Variants in TENM3 observed in about 807,000 individuals in gnomAD.
TENM3 encodes the protein teneurin transmembrane protein 3.
A neutral mutation model predicts 255.1 loss-of-function variants in TENM3; 63 were observed. The observed-to-expected ratio is 0.25, with a 90% CI of 0.20 to 0.30. The LOEUF (loss-of-function observed/expected upper bound fraction) is 0.30, where lower values mean the gene tolerates loss of function less well. Ranked by LOEUF, TENM3 falls within the 10% of genes least tolerant of loss-of-function variation. TENM3 has a pLI of 1.00. For missense variants in TENM3, 2,929 were observed against 3,461.1 expected (o/e 0.85, Z 3.86); for synonymous variants, 1,306 against 1,322.3 (o/e 0.99, Z 0.27).
intron 3 of TENM3, among the ~76,000 whole-genome samples, chr4:182,500,746 A>G (rs1470568453): frequency 6.6e-6 from 1 of 152,152 alleles, no homozygotes; most frequent in Non-Finnish European, 1.5e-5. Context: ...TAATTGCCAA[A>G]AAAAGAAAAT....
chr4:181,865,381 T>G, the TENM3 span, among the ~76,000 whole-genome samples: 8 of 152,236 alleles, frequency 5.3e-5, no homozygotes, highest in African/African-American at 1.9e-4. Context: ...TTCTTTTTCT[T>G]GTTGCCGATG....
intron 12 of TENM3, among the ~76,000 whole-genome samples, chr4:182,699,320 T>C (rs1225812037): frequency 6.6e-6 from 1 of 152,340 alleles, no homozygotes; most frequent in East Asian, 1.9e-4. Context: ...TTTGTATTGT[T>C]TTTTGATAAG....
chr4:182,652,742 T>C lies in TENM3; in HGVS notation c.989-1029T>C, dbSNP rs773030198. 4.2e-4 allele frequency among the ~76,000 whole-genome samples: 64 copies of C among 152,150 alleles called. No individual in the cohort carries two copies. The Middle Eastern group carries it at 0.014, about 32-fold the overall frequency. On this transcript the variant is annotated intron_variant, in intron 5 of 27. Transcript: ENST00000511685. ...CCTTCTTATTCTTCCTCCATTGCGC[T>C]GGTAAATTCCAGTACATACAGTAAG...
chr4:182,478,320 G>A (rs1009762147), intron 3 of TENM3, among the ~76,000 whole-genome samples: 1 of 151,728 alleles, frequency 6.6e-6, no homozygotes, highest in Non-Finnish European at 1.5e-5. Context: ...TTTATTTTTT[G>A]AAATATTAGT....
At chr4:181,604,080 C>A in the TENM3 span, among the ~76,000 whole-genome samples, 7 of 152,086 alleles carry the variant, frequency 4.6e-5, no homozygotes, top group South Asian at 6.2e-4. Context: ...CTGGTTAACA[C>A]GGTGAAACCC....
chr4:181,664,739 C>A, the TENM3 span, among the ~76,000 whole-genome samples: 1 of 152,044 alleles, frequency 6.6e-6, no homozygotes, highest in African/African-American at 2.4e-5. Context: ...CTTGGCGGCC[C>A]GTGATGTCCA....
intron 12 of TENM3, among the ~76,000 whole-genome samples, chr4:182,701,209 A>ATTTTTTTTTT (rs1561129558): frequency 8.4e-5 from 2 of 23,864 alleles, no homozygotes; most frequent in Non-Finnish European, 9.0e-5. Context: ...CCAACTCTTG[A>ATTTTTTTTTT]CTTTTTTTTT....
intron 1 of TENM3, among the ~76,000 whole-genome samples, chr4:182,159,586 T>C (rs1432119068): frequency 6.6e-6 from 1 of 152,104 alleles, no homozygotes; most frequent in Non-Finnish European, 1.5e-5. Flanking sequence ...GCTCCTGCGC[T>C]GTATTTGGCC....
intron 1 of TENM3, among the ~76,000 whole-genome samples, chr4:182,305,856 T>TCCTG (rs1438814563): frequency 1.3e-5 from 2 of 152,230 alleles, no homozygotes; most frequent in Non-Finnish European, 1.5e-5. Flanking sequence ...GTCGTTGCTA[T>TCCTG]CCTGGATGTT....
chr4:181,926,907 G>A, the TENM3 span, among the ~76,000 whole-genome samples: 1 of 151,878 alleles, frequency 6.6e-6, no homozygotes, highest in Non-Finnish European at 1.5e-5. Flanking sequence ...GAGGTGCAAG[G>A]GGTCTGGGAA....
At chr4:182,301,430 C>T (rs1057188832) in intron 1 of TENM3, among the ~76,000 whole-genome samples, 12 of 152,130 alleles carry the variant, frequency 7.9e-5, no homozygotes, top group African/African-American at 2.2e-4. Context: ...GCACAAGGTA[C>T]GGTTTTGACA....
intron 3 of TENM3, among the ~76,000 whole-genome samples, chr4:182,596,113 G>T (rs1330848592): frequency 6.6e-6 from 1 of 152,130 alleles, no homozygotes; most frequent in Non-Finnish European, 1.5e-5. Flanking sequence ...TACGTGCTTA[G>T]TGAAAGTACC....
At chr4:182,089,978 C>T in the TENM3 span, among the ~76,000 whole-genome samples, 1 of 152,172 alleles carries the variant, frequency 6.6e-6, no homozygotes, top group African/African-American at 2.4e-5. Flanking sequence ...AATGTTGACT[C>T]AGTCCATCTA....
At chr4:182,459,551 G>A (rs1774166872) in intron 3 of TENM3, among the ~76,000 whole-genome samples, 1 of 152,038 alleles carries the variant, frequency 6.6e-6, no homozygotes, top group South Asian at 2.1e-4. Context: ...ATGAAGGTCT[G>A]TGAATGTATG....
At chr4:181,536,513 A>G in the TENM3 span, among the ~76,000 whole-genome samples, 47 of 152,366 alleles carry the variant, frequency 3.1e-4, 1 homozygote, top group South Asian at 9.3e-3. Context: ...CATATCAAAT[A>G]TAAAAAGGCA....
intron 1 of TENM3, among the ~76,000 whole-genome samples, chr4:182,295,116 C>T (rs1761381262): frequency 6.6e-6 from 1 of 151,934 alleles, no homozygotes; most frequent in Admixed American, 6.6e-5. Context: ...ATTTTACATG[C>T]ATTCATTCCT....
In TENM3 at chr4:182,800,340, G is replaced by C. The variant is rs1429893468; in HGVS notation, c.8089G>C (p.Gly2697Arg). The change falls in exon 28 of 28, where the codon GGC becomes CGC. Residue 2697 changes from glycine (G) to arginine (R), a missense_variant. Gly to Arg is a moderately radical substitution (Grantham distance 125). Around this residue, in one of 6 missense-constraint regions of TENM3, gnomAD observed 476 missense variants for 480.1 expected, o/e 0.99. Coordinates refer to ENST00000511685, the MANE Select transcript of TENM3 (RefSeq NM_001080477.4). ...CCAGTTCCTGCGGCAGAGCGAGATC[G>C]GCAGGAGGTAACGCCCGGGCCGCGC... ...NIQFLRQSEIGRR is the reference protein window; with the variant it reads ...NIQFLRQSEIRRR 1.3e-6 allele frequency: 2 copies of C among 1,579,540 alleles called. No individual in the cohort carries two copies. Among genetic ancestry groups the C allele is most frequent in the African/African-American group, 1.3e-5 (1 of 74,364 alleles).
chr4:182,768,730 A>G (rs550771286), intron 22 of TENM3, among the ~76,000 whole-genome samples: 99 of 152,330 alleles, frequency 6.5e-4, no homozygotes, highest in African/African-American at 2.0e-3. Context: ...CACAAAAGCT[A>G]AAACAGCAAC....
At chr4:181,641,805 CATATATATATATAT>C in the TENM3 span, among the ~76,000 whole-genome samples, 100 of 31,438 alleles carry the variant, frequency 3.2e-3, no homozygotes, top group African/African-American at 0.012. Flanking sequence ...ACACACACAC[CATATATATATATAT>C]ATATATATAT....
Sources: allele counts gnomAD v4.1 joint callset (sites outside exome capture counted in the v4.1 genomes callset), GRCh38; gene constraint gnomAD v4.1.1; regional missense constraint gnomAD v4.1.1; transcripts MANE v1.5; gene names NCBI Gene and HGNC (gene_info 2026-07-23, HGNC 2026-07-21).